MYOM3: variants seen among roughly 807,000 people sequenced by gnomAD.
MYOM3 encodes the protein myomesin 3, also known as myomesin-3.
In MYOM3, 155 loss-of-function variants were observed where a neutral mutation model predicts 191.7. That is an observed-to-expected ratio of 0.81 (90% CI 0.71 to 0.92). The LOEUF is 0.92. MYOM3 is among the 40% of genes least tolerant of loss of function. The pLI is 0.00. For synonymous variants in MYOM3, 757 were observed against 762.9 expected (o/e 0.99, Z 0.13); for missense variants, 1,889 against 1,890.6 (o/e 1.00, Z 0.02).
rs1477154597 is a variant in MYOM3, at chr1:24,084,598, T to A, written c.1840A>T (p.Thr614Ser). The A allele has an allele frequency of 6.2e-7, 1 of 1,613,796 alleles. No homozygotes were observed. The highest frequency in any genetic ancestry group is 2.2e-5 in the East Asian group (1 of 44,878). ...PPAQVQAFRD[T>S]QTSVSLTWDP... ...CATGTCAGGGAGACAGAGGTCTGTGTGTCTCTGAAAGCTTGAACTTGAGCT... is the reference window on the plus strand; with the variant it reads ...CATGTCAGGGAGACAGAGGTCTGTGAGTCTCTGAAAGCTTGAACTTGAGCT... Residue 614 changes from threonine to serine, a missense_variant, in exon 16 of 37, where the codon ACA (threonine) becomes TCA (serine). Physicochemically the swap from Thr to Ser is moderately conservative, Grantham distance 58. Coordinates refer to ENST00000374434, the MANE Select transcript of MYOM3 (RefSeq NM_152372.4).
intron 14 of MYOM3, 52 bp downstream of exon 14, chr1:24,089,486 A>C (rs1047004511): frequency 1.9e-6 from 3 of 1,548,374 alleles, no homozygotes; most frequent in African/African-American, 2.7e-5. Context: ...AGGGTCCCAC[A>C]GCACATCTGT....
intron 29 of MYOM3, among the ~76,000 whole-genome samples, chr1:24,064,942 C>T (rs1020167578): frequency 2.0e-5 from 3 of 152,198 alleles, no homozygotes; most frequent in East Asian, 1.9e-4. Flanking sequence ...TCTGACCCCA[C>T]CTTCTAGCCT....
intron 35 of MYOM3, 121 bp downstream of exon 35, chr1:24,060,939 C>T (rs1260590214): frequency 9.0e-7 from 1 of 1,116,660 alleles, no homozygotes; most frequent in East Asian, 2.4e-5. Flanking sequence ...CTGTAAGACC[C>T]TAGAGCCCCA....
intron 28 of MYOM3, chr1:24,066,693 G>C (rs1326427319): frequency 2.6e-6 from 1 of 389,702 alleles, no homozygotes; most frequent in Non-Finnish European, 4.6e-6. Context: ...CTGAGCACAG[G>C]GTAATCATAA....
intron 14 of MYOM3, 98 bp from the exon 15 acceptor site, chr1:24,086,925 C>T: frequency 7.6e-7 from 1 of 1,315,228 alleles, no homozygotes; most frequent in Non-Finnish European, 1.1e-6. Context: ...CGTGTGCTCT[C>T]ATGATCCTCT....
chr1:24,099,918 A>G lies in MYOM3; in HGVS notation c.561-143T>C, dbSNP rs954403261. On this transcript the variant is annotated intron_variant, in intron 5 of 36. Coordinates refer to ENST00000374434, the MANE Select transcript of MYOM3 (RefSeq NM_152372.4). ...AGTTTTGCTTTGTCACCCAGGCTGG[A>G]GCGCAGTAGTACAATCTCAGCTCAC... 20 of 643,546 alleles carry G rather than the reference A, an allele frequency of 3.1e-5. No individual in the cohort carries two copies. In the African/African-American group the frequency reaches 3.7e-4, roughly 12 times the overall value. The allele number at this position is 643,546 out of a possible 1,614,324, so 39.9% of individuals were successfully genotyped here. A position where few individuals can be genotyped will look rare whatever the true frequency, so the allele number is the denominator to read the frequency against.
intron 7 of MYOM3, among the ~76,000 whole-genome samples, chr1:24,096,197 A>AG (rs1643877759): frequency 1.3e-5 from 2 of 151,724 alleles, no homozygotes; most frequent in Non-Finnish European, 2.9e-5. Context: ...GAAGGGCAGG[A>AG]GGCTGCCCGA....
chr1:24,063,503 C>T lies in MYOM3; in HGVS notation c.3650G>A (p.Gly1217Asp), dbSNP rs1258934898. ...DALDAIFTEL[G>D]RIGALSATPL... ...GGCAGGCTGCTTACCACCAATCCTG[C>T]CCAACTCGGTGAAGATGGCATCCAG... Residue 1217 changes from glycine to aspartate, a missense_variant, in exon 31 of 37, where the codon GGC becomes GAC. Transcript: ENST00000374434. This position sits in a 1 kb window ranked among gnomAD's most constrained non-coding sequence, Gnocchi z 4.5. 1.2e-6 allele frequency: 2 copies of T among 1,614,106 alleles called. No individual in the cohort carries two copies.
intron 6 of MYOM3, among the ~76,000 whole-genome samples, 165 bp from the exon 7 acceptor site, chr1:24,098,176 C>G (rs1272128309): frequency 6.6e-6 from 1 of 152,240 alleles, no homozygotes; most frequent in Non-Finnish European, 1.5e-5. Flanking sequence ...TGGTTGGCCA[C>G]TGCACCTTTC....
chr1:24,090,475 G>A (rs955477565), intron 12 of MYOM3, among the ~76,000 whole-genome samples: 1 of 152,192 alleles, frequency 6.6e-6, no homozygotes, highest in Non-Finnish European at 1.5e-5. Flanking sequence ...CGAGCTTAAG[G>A]ACATCTGACA....
At chr1:24,075,283 C>A (rs1231821135) in intron 22 of MYOM3, 36 bp downstream of exon 22, 15 of 1,608,104 alleles carry the variant, frequency 9.3e-6, no homozygotes, top group Non-Finnish European at 1.3e-5. Flanking sequence ...TATTTGGGTC[C>A]CGTTGAGCAG....
At position 24,108,607 on chromosome 1, in the gene MYOM3, CG is replaced by C. The variant is rs1557620179; in HGVS notation, c.29del (p.Ala10GlyfsTer64). On this transcript the variant is annotated frameshift_variant, in exon 2 of 37. Coordinates refer to ENST00000374434, the MANE Select transcript of MYOM3 (RefSeq NM_152372.4). LOFTEE classifies it high-confidence loss of function. ...TGGCCTGGGGGGGCCGGGGGTCCCC[CG>C]CACCTCCCAAGCTGTGCGGCAGAGT... MTLPHSLGG[A>X]GDPRPPQAME... 1 of 1,567,248 alleles carries C rather than the reference CG, an allele frequency of 6.4e-7. No homozygotes were observed.
chr1:24,075,331 T>C lies in MYOM3; in HGVS notation c.2846A>G (p.Asp949Gly). The change falls in exon 22 of 37, where the codon GAT becomes GGT. Residue 949 changes from aspartate (D) to glycine (G), a missense_variant. Coordinates refer to ENST00000374434, the MANE Select transcript of MYOM3 (RefSeq NM_152372.4). ...TCGCCTCACTTACTTGTTAACTTTA[T>C]CCTCGATCTTGACCCTCTGGGGGTC... ...PLDPQRVKIE[D>G]KVNKSKVILK... The C allele has an allele frequency of 6.2e-7, 1 of 1,612,410 alleles. No homozygotes were observed. Among genetic ancestry groups the C allele is most frequent in the Non-Finnish European group, 8.5e-7 (1 of 1,179,944 alleles).
chr1:24,062,174 C>A (rs1643378377), intron 32 of MYOM3, 65 bp from the exon 33 acceptor site: 1 of 1,582,032 alleles, frequency 6.3e-7, no homozygotes, highest in Non-Finnish European at 8.6e-7. Flanking sequence ...ACCCGTGCCC[C>A]AAAATCCTCT....
chr1:24,089,532 C>T lies in MYOM3; in HGVS notation c.1614+6G>A. On this transcript the variant is annotated splice_donor_region_variant and intron_variant, in intron 14 of 36. Transcript: ENST00000374434. ...GGCCTGGGGCTGGGGCCTCGGGGTT[C>T]CCTACCTTCTCCAGGGAGTACGTCA... The T allele has an allele frequency of 6.3e-7, 1 of 1,595,850 alleles. No homozygotes were observed. The highest frequency in any genetic ancestry group is 1.7e-4 in the Middle Eastern group (1 of 5,798).
At position 24,057,360 on chromosome 1, in the gene MYOM3, G is replaced by C; in HGVS notation, c.*4C>G. On this transcript the variant is annotated 3_prime_UTR_variant, in exon 37 of 37. Transcript: ENST00000374434. ...AGACTCAGACTGTGCCTGGACACAC[G>C]CTGTCACATGCTCTTCAGCTCCTTG... 6.2e-7 allele frequency: 1 copy of C among 1,611,446 alleles called. No individual in the cohort carries two copies.
chr1:24,094,713 C>T lies in MYOM3; in HGVS notation c.928+140G>A, dbSNP rs1570881070. 3.7e-6 allele frequency: 3 copies of T among 810,684 alleles called. No individual in the cohort carries two copies. In the East Asian group the frequency reaches 8.3e-5, roughly 22 times the overall value. The allele number at this position is 810,684 out of a possible 1,614,324, so 50.2% of individuals were successfully genotyped here. A position where few individuals can be genotyped will look rare whatever the true frequency, so the allele number is the denominator to read the frequency against. On this transcript the variant is annotated intron_variant, in intron 9 of 36. Transcript: ENST00000374434. Reference sequence around the variant, plus strand: ...GACCACACCTGGCTGCACTCCCGCTCTCCTCTGCCTCTTCAGCACTTTAGC... The same window carrying T: ...GACCACACCTGGCTGCACTCCCGCTTTCCTCTGCCTCTTCAGCACTTTAGC...
chr1:24,109,384 T>A (rs1644020706), intron 1 of MYOM3, among the ~76,000 whole-genome samples: 1 of 128,806 alleles, frequency 7.8e-6, no homozygotes, highest in African/African-American at 2.5e-5. Flanking sequence ...GCTTGGGGCT[T>A]AGTAAGTACA....
intron 5 of MYOM3, among the ~76,000 whole-genome samples, chr1:24,103,183 C>T (rs759000524): frequency 1.6e-4 from 25 of 152,244 alleles, no homozygotes; most frequent in Non-Finnish European, 2.8e-4. Context: ...GCCAGGGCCG[C>T]GCAGAGCTTG....
Sources: allele counts gnomAD v4.1 joint callset (sites outside exome capture counted in the v4.1 genomes callset), GRCh38; gene constraint gnomAD v4.1.1; non-coding constraint Gnocchi (gnomAD v3.1); transcripts MANE v1.5; gene names NCBI Gene and HGNC (gene_info 2026-07-23, HGNC 2026-07-21).